VPS13B: variants seen among roughly 807,000 people sequenced by gnomAD.
The protein encoded by VPS13B is vacuolar protein sorting 13 homolog B.
VPS13B carries 285 observed loss-of-function variants against 426.4 expected under a neutral mutation model. The observed-to-expected ratio is 0.67, with a 90% CI of 0.61 to 0.74. The LOEUF is 0.74. VPS13B is among the 30% of genes least tolerant of loss of function. VPS13B has a pLI of 0.00. For missense variants in VPS13B, 4,537 were observed against 4,782.6 expected (o/e 0.95, Z 1.51); for synonymous variants, 1,676 against 1,676.4 (o/e 1.00, Z 0.01).
intron 21 of VPS13B, among the ~76,000 whole-genome samples, chr8:99,420,162 C>A (rs1455466671): frequency 6.6e-6 from 1 of 152,132 alleles, no homozygotes; most frequent in East Asian, 1.9e-4. Context: ...GAAGTGCTTA[C>A]TATGAAAACT....
intron 17 of VPS13B, among the ~76,000 whole-genome samples, chr8:99,247,725 A>G (rs943316697): frequency 6.6e-6 from 1 of 152,222 alleles, no homozygotes; most frequent in Admixed American, 6.5e-5. Context: ...CGTTACAACT[A>G]TAAGTAGTAC....
chr8:99,171,088 A>T (rs1204849733), intron 16 of VPS13B, among the ~76,000 whole-genome samples: 1 of 151,808 alleles, frequency 6.6e-6, no homozygotes, highest in Non-Finnish European at 1.5e-5. Flanking sequence ...GATACAGAAA[A>T]TTTTTTTAAA....
chr8:99,310,212 A>G (rs1820876815), intron 19 of VPS13B, among the ~76,000 whole-genome samples: 1 of 152,140 alleles, frequency 6.6e-6, no homozygotes, highest in South Asian at 2.1e-4. Flanking sequence ...AGAACTTCCA[A>G]CACTATGTTG....
intron 33 of VPS13B, among the ~76,000 whole-genome samples, chr8:99,633,001 A>C (rs1247346883): frequency 6.6e-6 from 1 of 152,018 alleles, no homozygotes; most frequent in Non-Finnish European, 1.5e-5. Context: ...AATCAAGTCA[A>C]ATATTTCTAT....
intron 33 of VPS13B, among the ~76,000 whole-genome samples, chr8:99,610,757 A>G (rs1373451967): frequency 2.0e-5 from 3 of 152,214 alleles, no homozygotes; most frequent in African/African-American, 7.2e-5. Context: ...TTCATGATCT[A>G]AAGAAATTCA....
intron 17 of VPS13B, among the ~76,000 whole-genome samples, chr8:99,211,486 A>C (rs1815086548): frequency 6.6e-6 from 1 of 152,136 alleles, no homozygotes; most frequent in Non-Finnish European, 1.5e-5. Context: ...ATTTCCAAGG[A>C]TCCTTCTTGG....
chr8:99,265,498 T>C (rs1452684859), intron 17 of VPS13B, among the ~76,000 whole-genome samples: 1 of 152,100 alleles, frequency 6.6e-6, no homozygotes, highest in Non-Finnish European at 1.5e-5. Context: ...CTAAGATAAT[T>C]CCCCCCTTTT....
chr8:99,532,244 T>C (rs890717802), intron 30 of VPS13B, among the ~76,000 whole-genome samples: 2 of 152,154 alleles, frequency 1.3e-5, no homozygotes, highest in African/African-American at 4.8e-5. Context: ...CCGTTTTACA[T>C]TTTTTTGCAG....
At chr8:99,205,173 CATAA>C (rs749434407) in intron 17 of VPS13B, among the ~76,000 whole-genome samples, 115 of 152,270 alleles carry the variant, frequency 7.6e-4, no homozygotes, top group Non-Finnish European at 1.3e-3. Flanking sequence ...ACTATGCAGC[CATAA>C]AAATTGATGA....
intron 21 of VPS13B, among the ~76,000 whole-genome samples, chr8:99,393,039 C>G (rs1278618580): frequency 2.0e-5 from 3 of 151,402 alleles, no homozygotes; most frequent in African/African-American, 7.3e-5. Flanking sequence ...GGTTTATAAA[C>G]ATCACCTTTT....
At chr8:99,708,063 G>C (rs1272813886) in intron 36 of VPS13B, among the ~76,000 whole-genome samples, 1 of 152,042 alleles carries the variant, frequency 6.6e-6, no homozygotes, top group Non-Finnish European at 1.5e-5. Context: ...CAATTAACCA[G>C]CTACTGAATT....
intron 19 of VPS13B, among the ~76,000 whole-genome samples, chr8:99,313,177 C>T (rs57350235): frequency 0.02 from 3,090 of 152,284 alleles, 114 homozygotes; most frequent in African/African-American, 0.07. Flanking sequence ...TCGTCAAAGT[C>T]GTTCTCCATC....
chr8:99,795,863 A>G (rs1466456742), intron 43 of VPS13B, among the ~76,000 whole-genome samples: 4 of 152,188 alleles, frequency 2.6e-5, no homozygotes, highest in African/African-American at 7.2e-5. Context: ...AAGCCACAAT[A>G]TCTTTTATGT....
At chr8:99,192,666 A>G (rs898249829) in intron 16 of VPS13B, among the ~76,000 whole-genome samples, 1 of 152,162 alleles carries the variant, frequency 6.6e-6, no homozygotes, top group African/African-American at 2.4e-5. Flanking sequence ...TATGGACATC[A>G]TTCTAGTTTG....
At chr8:99,131,766 G>A (rs952772666) in intron 8 of VPS13B, among the ~76,000 whole-genome samples, 6 of 152,316 alleles carry the variant, frequency 3.9e-5, no homozygotes, top group African/African-American at 1.4e-4. Flanking sequence ...GGTGGTGGTT[G>A]CTAAAGGTTG....
intron 5 of VPS13B, among the ~76,000 whole-genome samples, chr8:99,107,734 C>T (rs887542674): frequency 6.6e-5 from 10 of 152,078 alleles, no homozygotes; most frequent in African/African-American, 1.7e-4. Context: ...AGAATAACTG[C>T]ATATGTAAAC....
chr8:99,335,198 G>T (rs989007238), intron 19 of VPS13B, among the ~76,000 whole-genome samples: 2 of 152,050 alleles, frequency 1.3e-5, no homozygotes, highest in African/African-American at 4.8e-5. Flanking sequence ...GGGATCGGTG[G>T]TGATATCTCC....
chr8:99,374,541 T>C (rs773332922), intron 19 of VPS13B, among the ~76,000 whole-genome samples: 1 of 152,148 alleles, frequency 6.6e-6, no homozygotes, highest in African/African-American at 2.4e-5. Context: ...TTCCTCTTTT[T>C]ATAATGAGTC....
intron 21 of VPS13B, among the ~76,000 whole-genome samples, chr8:99,416,964 A>G (rs1163342293): frequency 6.6e-6 from 1 of 152,172 alleles, no homozygotes; most frequent in Non-Finnish European, 1.5e-5. Context: ...TCTTATCTTC[A>G]TCTTGTAAGC....
Sources: gnomAD v4.1 joint callset for allele counts (sites outside exome capture counted in the v4.1 genomes callset) on GRCh38, gnomAD v4.1.1 for gene constraint, MANE v1.5 for transcripts, NCBI Gene and HGNC (gene_info 2026-07-23, HGNC 2026-07-21) for gene names.